ALG6: variants seen among roughly 807,000 people sequenced by gnomAD.
The protein encoded by ALG6 is ALG6 alpha-1,3-glucosyltransferase, also known as dolichyl pyrophosphate Man9GlcNAc2 alpha-1,3-glucosyltransferase.
In ALG6, 46 loss-of-function variants were observed where a neutral mutation model predicts 66.6. The observed-to-expected ratio is 0.69, with a 90% CI of 0.55 to 0.88. The LOEUF is 0.88. Among genes scored for constraint, ALG6 ranks in the 40% least tolerant of loss-of-function variants. The probability of loss-of-function intolerance (pLI) is 0.00; values close to 1 mark genes in which losing one functional copy is unlikely to be tolerated. For synonymous variants in ALG6, 185 were observed against 203.7 expected (o/e 0.91, Z 0.78); for missense variants, 505 against 586.8 (o/e 0.86, Z 1.44).
intron 14 of ALG6, among the ~76,000 whole-genome samples, chr1:63,436,372 C>T (rs1402421679): frequency 6.6e-6 from 1 of 152,076 alleles, no homozygotes; most frequent in Non-Finnish European, 1.5e-5. Flanking sequence ...GCCTACTGAC[C>T]TGCCAAACAC....
intron 1 of ALG6, among the ~76,000 whole-genome samples, chr1:63,368,132 C>T (rs1647788871): frequency 6.6e-6 from 1 of 152,118 alleles, no homozygotes. Context: ...ACCGTCAGGG[C>T]AAAGGAGGAC....
rs1648322374 is a variant in ALG6 at position 63,381,905 on chromosome 1, C to G, written c.82+10846C>G. Reference sequence around the variant, plus strand: ...AAGAAGTGAGTTTTCACTATGTTGCCCAAGCTGCAGTAGAGTGACTATTTA... The same window carrying G: ...AAGAAGTGAGTTTTCACTATGTTGCGCAAGCTGCAGTAGAGTGACTATTTA... On this transcript the variant is annotated intron_variant, in intron 2 of 14. Transcript: ENST00000263440. Among the ~76,000 whole-genome samples, 3 of 151,902 alleles carry G rather than the reference C, an allele frequency of 2.0e-5. No homozygotes were observed. The South Asian group carries it at 6.2e-4, about 32-fold the overall frequency.
chr1:63,424,821 G>A (rs4344356), intron 12 of ALG6, among the ~76,000 whole-genome samples: 26,743 of 142,124 alleles, frequency 0.19, 2,561 homozygotes, highest in Middle Eastern at 0.27. Context: ...GTCTGTCACC[G>A]AGGTTAGAGT....
In ALG6 at chr1:63,419,381, G is replaced by C. The variant is rs375487839; in HGVS notation, c.999G>C (p.Ala333=). Residue 333 remains alanine (A), a synonymous_variant, in exon 12 of 15, where the codon GCG becomes GCC. Coordinates refer to ENST00000263440, the MANE Select transcript of ALG6 (RefSeq NM_013339.4). Reference sequence around the variant, plus strand: ...CTTTTTTCTTAAAGGTTAGCTGTGCGCTATCATTCTTTTTATTTTCTTTCC... The same window carrying C: ...CTTTTTTCTTAAAGGTTAGCTGTGCCCTATCATTCTTTTTATTTTCTTTCC... ...KGFKFTLVSC[A]LSFFLFSFQV... 6.2e-7 allele frequency: 1 copy of C among 1,608,404 alleles called. No individual in the cohort carries two copies. The highest frequency in any genetic ancestry group is 8.5e-7 in the Non-Finnish European group (1 of 1,177,182).
At chr1:63,396,092 A>G (rs1163511238) in intron 2 of ALG6, among the ~76,000 whole-genome samples, 1 of 152,202 alleles carries the variant, frequency 6.6e-6, no homozygotes, top group African/African-American at 2.4e-5. Context: ...ATGAGCATCC[A>G]TGAAGTTTGA....
chr1:63,376,609 T>C (rs2100384422), intron 2 of ALG6, among the ~76,000 whole-genome samples: 1 of 152,340 alleles, frequency 6.6e-6, no homozygotes, highest in East Asian at 1.9e-4. Context: ...TGTTTAAAAT[T>C]TTTTAAATAT....
chr1:63,421,689 G>A (rs1056016286), intron 12 of ALG6, among the ~76,000 whole-genome samples: 3 of 151,952 alleles, frequency 2.0e-5, no homozygotes, highest in Non-Finnish European at 2.9e-5. Context: ...AATATTATGC[G>A]GCCAAAAAGA....
At chr1:63,379,069 T>C (rs1648221761) in intron 2 of ALG6, among the ~76,000 whole-genome samples, 1 of 152,182 alleles carries the variant, frequency 6.6e-6, no homozygotes, top group South Asian at 2.1e-4. Context: ...TTCTCGTATC[T>C]GCATTCTGAT....
chr1:63,391,318 T>C (rs371115003), intron 2 of ALG6, among the ~76,000 whole-genome samples: 31 of 152,306 alleles, frequency 2.0e-4, no homozygotes, highest in East Asian at 1.9e-3. Flanking sequence ...GAAGAAACAG[T>C]TAAACCTGAG....
intron 3 of ALG6, among the ~76,000 whole-genome samples, chr1:63,399,574 T>C (rs1292229489): frequency 6.6e-6 from 1 of 152,226 alleles, no homozygotes; most frequent in Non-Finnish European, 1.5e-5. Flanking sequence ...TGTTCTGTAA[T>C]TGGTGTCTGT....
intron 9 of ALG6, among the ~76,000 whole-genome samples, chr1:63,412,932 T>C (rs528847850): frequency 3.3e-4 from 50 of 152,292 alleles, no homozygotes; most frequent in African/African-American, 1.0e-3. Flanking sequence ...AGTAGACTTA[T>C]AGGAAGATGG....
At chr1:63,382,165 A>T (rs188971573) in intron 2 of ALG6, among the ~76,000 whole-genome samples, 2,785 of 150,252 alleles carry the variant, frequency 0.019, 32 homozygotes, top group Non-Finnish European at 0.025. Context: ...TTTTTTTTTT[A>T]AAAATTTTAT....
chr1:63,436,712 A>T, intron 14 of ALG6, 111 bp from the exon 15 acceptor site: 9 of 969,096 alleles, frequency 9.3e-6, no homozygotes, highest in South Asian at 1.3e-5. Context: ...AATAAATTAG[A>T]CCCTCAACCC....
chr1:63,419,660 T>C (rs1274207938), intron 12 of ALG6, among the ~76,000 whole-genome samples: 1 of 152,208 alleles, frequency 6.6e-6, no homozygotes, highest in Non-Finnish European at 1.5e-5. Flanking sequence ...ATAATAGTAA[T>C]TTCTTCCTGT....
chr1:63,372,272 T>C (rs1489386294), intron 2 of ALG6, among the ~76,000 whole-genome samples: 1 of 152,004 alleles, frequency 6.6e-6, no homozygotes, highest in Non-Finnish European at 1.5e-5. Context: ...TAACTTATGT[T>C]AGTGAAAAAG....
chr1:63,407,940 G>A (rs980556629), intron 7 of ALG6, among the ~76,000 whole-genome samples: 1 of 152,040 alleles, frequency 6.6e-6, no homozygotes, highest in Admixed American at 6.6e-5. Flanking sequence ...CATTGTTTAT[G>A]GGATCATGGC....
At chr1:63,372,585 CAT>C (rs1203805611) in intron 2 of ALG6, among the ~76,000 whole-genome samples, 1 of 151,570 alleles carries the variant, frequency 6.6e-6, no homozygotes, top group East Asian at 1.9e-4. Context: ...CACAGACACA[CAT>C]ATATATAAAT....
rs559834759 is a variant in ALG6 at position 63,371,079 on chromosome 1, TA to T, written c.82+30del. The T allele has an allele frequency of 3.3e-4, 474 of 1,421,504 alleles. No homozygotes were observed. Among genetic ancestry groups the T allele is most frequent in the Admixed American group, 4.6e-4 (25 of 54,270 alleles). The allele number at this position is 1,421,504 out of a possible 1,614,324, so 88.1% of individuals were successfully genotyped here. A position where few individuals can be genotyped will look rare whatever the true frequency, so the allele number is the denominator to read the frequency against. ...ATTCAGGTAATACATTTTTACTGGTTAAAAAAAAAACGAAATTTTCCTTTGA... is the reference window on the plus strand; with the variant it reads ...ATTCAGGTAATACATTTTTACTGGTTAAAAAAAAACGAAATTTTCCTTTGA... On this transcript the variant is annotated intron_variant, in intron 2 of 14. Transcript: ENST00000263440.
intron 2 of ALG6, among the ~76,000 whole-genome samples, chr1:63,377,176 G>T (rs1377608349): frequency 6.6e-6 from 1 of 151,980 alleles, no homozygotes; most frequent in Non-Finnish European, 1.5e-5. Flanking sequence ...TGGCCAGGCT[G>T]GTCTTGAACT....
Sources: gnomAD v4.1 joint callset for allele counts (sites outside exome capture counted in the v4.1 genomes callset) on GRCh38, gnomAD v4.1.1 for gene constraint, MANE v1.5 for transcripts, NCBI Gene and HGNC (gene_info 2026-07-23, HGNC 2026-07-21) for gene names.